GTF2IRD2B: variants seen among roughly 807,000 people sequenced by gnomAD.
GTF2IRD2B encodes the protein general transcription factor II-I repeat domain-containing protein 2B.
In GTF2IRD2B, 10 loss-of-function variants were observed where a neutral mutation model predicts 55.6. The ratio of observed to expected loss-of-function variants is 0.18; its 90% CI spans 0.11 to 0.31. The LOEUF is 0.31. Among genes scored for constraint, GTF2IRD2B ranks in the 10% least tolerant of loss-of-function variants. GTF2IRD2B has a pLI of 1.00. For synonymous variants in GTF2IRD2B, 107 were observed against 320.5 expected (o/e 0.33, Z 7.12); for missense variants, 206 against 802.7 (o/e 0.26, Z 8.98).
At chr7:75,099,838 C>T (rs587705655) in intron 1 of GTF2IRD2B, among the ~76,000 whole-genome samples, 2 of 135,710 alleles carry the variant, frequency 1.5e-5, no homozygotes, top group Admixed American at 7.2e-5. Flanking sequence ...TTCGGCCAGG[C>T]GTGGTAGATC....
At chr7:75,104,053 CA>C (rs587607735) in intron 1 of GTF2IRD2B, among the ~76,000 whole-genome samples, 1,867 of 87,738 alleles carry the variant, frequency 0.021, 15 homozygotes, top group Non-Finnish European at 0.03. Context: ...GACTCCGTCT[CA>C]AAAAAAAAAA....
intron 1 of GTF2IRD2B, among the ~76,000 whole-genome samples, chr7:75,105,470 C>G (rs1807761970): frequency 6.6e-6 from 1 of 152,304 alleles, no homozygotes; most frequent in African/African-American, 2.4e-5. Context: ...TGCCACTGCA[C>G]TCTAGCCTGG....
intron 1 of GTF2IRD2B, among the ~76,000 whole-genome samples, chr7:75,103,216 T>C (rs1406941929): frequency 1.3e-5 from 2 of 151,876 alleles, no homozygotes; most frequent in Non-Finnish European, 2.9e-5. Flanking sequence ...GAGGTAGAGG[T>C]TGCAGTGAGC....
intron 1 of GTF2IRD2B, among the ~76,000 whole-genome samples, chr7:75,104,349 C>T (rs1807695764): frequency 6.6e-6 from 1 of 152,256 alleles, no homozygotes; most frequent in Admixed American, 6.5e-5. Context: ...GAACTCCTGA[C>T]CTCAAGTGAT....
intron 1 of GTF2IRD2B, among the ~76,000 whole-genome samples, chr7:75,106,723 C>T (rs1458836678): frequency 1.1e-3 from 110 of 99,936 alleles, no homozygotes; most frequent in African/African-American, 3.6e-3. Flanking sequence ...GGCGATAGAG[C>T]AAGACCCCAT....
chr7:75,105,035 T>TA (rs1251450801), intron 1 of GTF2IRD2B, among the ~76,000 whole-genome samples: 3 of 152,254 alleles, frequency 2.0e-5, no homozygotes, highest in Non-Finnish European at 2.9e-5. Context: ...CCGTCTCTAC[T>TA]AAAATGCAAA....
rs1584527635 is a variant in GTF2IRD2B, at chr7:75,108,575, C to T, written c.-5-385C>T. Among the ~76,000 whole-genome samples the T allele has an allele frequency of 4.0e-5, 2 of 49,856 alleles. 1 individual carries two copies. Among genetic ancestry groups the T allele is most frequent in the East Asian group, 4.7e-3 (2 of 422 alleles). The allele number at this position is 49,856 out of a possible 152,430, so 32.7% of individuals were successfully genotyped here. Reference sequence around the variant, plus strand: ...AGGAGTTTGAGACCAGCCTAGGTAACGTGGCGAAACCCCGTCTTTACAAAA... The same window carrying T: ...AGGAGTTTGAGACCAGCCTAGGTAATGTGGCGAAACCCCGTCTTTACAAAA... On this transcript the variant is annotated intron_variant, in intron 1 of 15. Coordinates refer to ENST00000472837, the MANE Select transcript of GTF2IRD2B (RefSeq NM_001003795.3).
At position 75,127,005 on chromosome 7, in the gene GTF2IRD2B, A is replaced by C. The variant is rs1322713684; in HGVS notation, c.670+620A>C. Among the ~76,000 whole-genome samples the C allele has an allele frequency of 1.2e-4, 16 of 136,142 alleles. 1 individual carries two copies. Among genetic ancestry groups the C allele is most frequent in the African/African-American group, 4.1e-4 (16 of 39,020 alleles). The allele number at this position is 136,142 out of a possible 152,430, so 89.3% of individuals were successfully genotyped here. ...GAGTGAGATTCTGTGTCAAAAAAAAACAAAAACAAAAACAAAAACAAAAAA... is the reference window on the plus strand; with the variant it reads ...GAGTGAGATTCTGTGTCAAAAAAAACCAAAAACAAAAACAAAAACAAAAAA... On this transcript the variant is annotated intron_variant, in intron 8 of 15. Transcript: ENST00000472837.
intron 6 of GTF2IRD2B, chr7:75,123,762 C>T (rs1808461103): frequency 1.7e-5 from 10 of 572,700 alleles, no homozygotes; most frequent in South Asian, 1.1e-4. Flanking sequence ...CCTGTAGTCC[C>T]AGCTACTCGG....
intron 8 of GTF2IRD2B, among the ~76,000 whole-genome samples, chr7:75,127,491 AAG>A (rs1190391259): frequency 4.5e-4 from 65 of 144,558 alleles, no homozygotes; most frequent in African/African-American, 5.9e-4. Flanking sequence ...AAAAAAAAAA[AAG>A]AGAGAGAGAG....
intron 3 of GTF2IRD2B, among the ~76,000 whole-genome samples, chr7:75,115,918 C>CTTTTTTTTTT (rs781957846): frequency 1.2e-5 from 1 of 85,470 alleles, no homozygotes; most frequent in Non-Finnish European, 2.2e-5. Flanking sequence ...TCTTTTCTTT[C>CTTTTTTTTTT]TTTTTTTTTT....
At chr7:75,127,074 C>T (rs1383599496) in intron 8 of GTF2IRD2B, among the ~76,000 whole-genome samples, 1 of 149,034 alleles carries the variant, frequency 6.7e-6, no homozygotes, top group East Asian at 1.9e-4. Flanking sequence ...TCATTTGACA[C>T]CTTTCTTTTG....
chr7:75,127,270 G>A (rs587651479), intron 8 of GTF2IRD2B, among the ~76,000 whole-genome samples: 32 of 151,120 alleles, frequency 2.1e-4, no homozygotes, highest in Non-Finnish European at 1.2e-4. Context: ...CTTGAACCCC[G>A]GAGTTCAAGA....
At chr7:75,127,450 CAGAG>C (rs1280750243) in intron 8 of GTF2IRD2B, among the ~76,000 whole-genome samples, 1 of 105,250 alleles carries the variant, frequency 9.5e-6, no homozygotes, top group African/African-American at 3.8e-5. Context: ...GCCTGGGTGA[CAGAG>C]AGAGACGTTG....
At chr7:75,118,074 CAAAA>C (rs57631816) in intron 3 of GTF2IRD2B, among the ~76,000 whole-genome samples, 3 of 103,820 alleles carry the variant, frequency 2.9e-5, no homozygotes, top group Non-Finnish European at 6.1e-5. Context: ...CAGAGCAAGA[CAAAA>C]AAAAAAAAAA....
chr7:75,147,398 A>G (rs1456853774), intron 15 of GTF2IRD2B, among the ~76,000 whole-genome samples: 1 of 151,950 alleles, frequency 6.6e-6, no homozygotes, highest in African/African-American at 2.4e-5. Flanking sequence ...GCGCCACTGC[A>G]CTGCAGCCTG....
intron 1 of GTF2IRD2B, among the ~76,000 whole-genome samples, chr7:75,101,967 CAG>C (rs1807582436): frequency 6.7e-6 from 1 of 150,174 alleles, no homozygotes; most frequent in Non-Finnish European, 1.5e-5. Context: ...AATATATTCA[CAG>C]AGTTGTACAA....
At chr7:75,115,640 G>C (rs1324490162) in intron 3 of GTF2IRD2B, among the ~76,000 whole-genome samples, 1 of 127,392 alleles carries the variant, frequency 7.8e-6, no homozygotes, top group African/African-American at 3.0e-5. Context: ...TCACCATGTT[G>C]GCCAGGATGG....
chr7:75,126,979 A>G (rs1308671524), intron 8 of GTF2IRD2B, among the ~76,000 whole-genome samples: 3 of 147,904 alleles, frequency 2.0e-5, no homozygotes, highest in Admixed American at 6.8e-5. Flanking sequence ...CTTGGGCTAC[A>G]GAGTGAGATT....
Sources: allele counts gnomAD v4.1 joint callset (sites outside exome capture counted in the v4.1 genomes callset), GRCh38; gene constraint gnomAD v4.1.1; transcripts MANE v1.5; gene names NCBI Gene and HGNC (gene_info 2026-07-23, HGNC 2026-07-21).